NLGN4X: variants seen among roughly 807,000 people sequenced by gnomAD.
NLGN4X encodes neuroligin 4 X-linked, also known as neuroligin-4, X-linked.
Under a neutral mutation model 40.3 loss-of-function variants are expected in NLGN4X, and 3 were observed. The observed-to-expected ratio is 0.07, with a 90% CI of 0.03 to 0.19. NLGN4X has a LOEUF of 0.19. Ranked by LOEUF, NLGN4X falls within the 10% of genes least tolerant of loss-of-function variation. NLGN4X has a pLI of 1.00. For missense variants in NLGN4X, 382 were observed against 708.3 expected, an observed-to-expected ratio of 0.54 and a Z score of 5.23; for synonymous variants, 270 against 306.8, an observed-to-expected ratio of 0.88 and a Z score of 1.25.
intron 2 of NLGN4X, among the ~76,000 whole-genome samples, chrX:6,093,305 C>T (rs1291966682): frequency 1.8e-5 from 2 of 111,878 alleles, no homozygotes; most frequent in South Asian, 7.4e-4. Context: ...GAGTTTATAA[C>T]AAATATTCAT....
chrX:6,051,490 GAGA>G (rs1398495672), intron 2 of NLGN4X, among the ~76,000 whole-genome samples: 28 of 111,072 alleles, frequency 2.5e-4, no homozygotes, highest in Non-Finnish European at 5.1e-4. Context: ...AACATATGGA[GAGA>G]AGAAGGCCTT....
chrX:5,893,159 C>T lies in NLGN4X; in HGVS notation c.2109G>A (p.Arg703=), dbSNP rs1312865959. ...FAALYYKKDK[R]RHETHRRPSP... ...TGGGGCGCCTGTGAGTCTCATGGCG[C>T]CTCTTGTCCTTTTTGTAGTACAGCG... The change falls in exon 6 of 6, where the codon AGG becomes AGA. Residue 703 remains arginine, a synonymous_variant. Coordinates refer to ENST00000381095, the MANE Select transcript of NLGN4X (RefSeq NM_181332.3). The T allele has an allele frequency of 5.8e-6, 7 of 1,211,512 alleles. No homozygotes were observed. The highest frequency in any genetic ancestry group is 2.3e-4 in the Middle Eastern group (1 of 4,348).
intron 2 of NLGN4X, among the ~76,000 whole-genome samples, chrX:6,054,131 G>T (rs2037560103): frequency 8.9e-6 from 1 of 111,918 alleles, no homozygotes; most frequent in African/African-American, 3.3e-5. Context: ...TTTAATACGT[G>T]CAACTTTTTT....
chrX:6,044,592 T>C (rs928935255), intron 2 of NLGN4X, among the ~76,000 whole-genome samples: 1 of 111,218 alleles, frequency 9.0e-6, no homozygotes, highest in African/African-American at 3.3e-5. Flanking sequence ...ATTTATGTTA[T>C]TACGGATTTG....
Position 6,198,618 on chromosome X carries a change from C to G in NLGN4X, c.-306+29923G>C, listed in dbSNP as rs145518020. The stretch of plus-strand genomic sequence containing the variant: ...CTTACAAATTGCATGAGCTCCTATA[C>G]TGGTGATACAAGAATAGACAGTGTC... On this transcript the variant is annotated intron_variant, in intron 1 of 5. Transcript: ENST00000381095. Among the ~76,000 whole-genome samples, 667 of 111,866 alleles carry G rather than the reference C, an allele frequency of 6.0e-3. 5 individuals carry two copies. Among genetic ancestry groups the G allele is most frequent in the African/African-American group, 0.021 (637 of 30,730 alleles).
At chrX:5,997,131 G>A (rs777963116) in intron 3 of NLGN4X, among the ~76,000 whole-genome samples, 2 of 108,913 alleles carry the variant, frequency 1.8e-5, no homozygotes, top group South Asian at 3.9e-4. Context: ...CTTTTTTGGG[G>A]GTGGGGTTGG....
In NLGN4X at chrX:5,891,313, T is replaced by C; in HGVS notation, c.*1504A>G. 1 of 234,387 alleles carries C rather than the reference T, an allele frequency of 4.3e-6. No homozygotes were observed. Among genetic ancestry groups the C allele is most frequent in the Admixed American group, 6.0e-5 (1 of 16,562 alleles). 19.3% of individuals were successfully genotyped at this position (234,387 alleles called of 1,213,427 possible). On this transcript the variant is annotated 3_prime_UTR_variant, in exon 6 of 6. Transcript: ENST00000381095. ...TAATATTCTATCCTTTCTTCCCCCA[T>C]TCTTCTATAATATTCACCGTTTGGT...
intron 3 of NLGN4X, among the ~76,000 whole-genome samples, chrX:5,981,590 T>C (rs1388935091): frequency 9.1e-6 from 1 of 109,527 alleles, no homozygotes; most frequent in Non-Finnish European, 1.9e-5. Context: ...AAATAATAAA[T>C]ATAAAAGCCT....
rs1174411724 is a variant in NLGN4X, at chrX:5,916,922, T to C, written c.626-7683A>G. On this transcript the variant is annotated intron_variant, in intron 3 of 5. Coordinates refer to ENST00000381095, the MANE Select transcript of NLGN4X (RefSeq NM_181332.3). Reference sequence around the variant, plus strand: ...CAACAATCACACCCACACAATAAAGTGAATGTGTTGGAGAAACAAATTCAT... The same window carrying C: ...CAACAATCACACCCACACAATAAAGCGAATGTGTTGGAGAAACAAATTCAT... Among the ~76,000 whole-genome samples, 3 of 112,102 alleles carry C rather than the reference T, an allele frequency of 2.7e-5. No homozygotes were observed. In the Admixed American group the frequency reaches 2.8e-4, roughly 11 times the overall value.
chrX:6,042,302 A>C (rs916481279), intron 2 of NLGN4X, among the ~76,000 whole-genome samples: 3 of 111,266 alleles, frequency 2.7e-5, no homozygotes, highest in Non-Finnish European at 5.7e-5. Context: ...TAAAGATTTT[A>C]TGGGTCTCTG....
At chrX:6,170,512 C>T (rs1049870514) in intron 1 of NLGN4X, among the ~76,000 whole-genome samples, 1 of 111,804 alleles carries the variant, frequency 8.9e-6, no homozygotes, top group Admixed American at 9.5e-5. Flanking sequence ...ACATACCATT[C>T]AATCTTGGCC....
intron 3 of NLGN4X, among the ~76,000 whole-genome samples, chrX:5,994,306 T>C (rs928672193): frequency 1.8e-5 from 2 of 111,843 alleles, no homozygotes; most frequent in African/African-American, 3.3e-5. Flanking sequence ...ATTTGTGCTT[T>C]ATTGAATCCA....
At chrX:5,926,365 A>G (rs2033317952) in intron 3 of NLGN4X, among the ~76,000 whole-genome samples, 1 of 110,728 alleles carries the variant, frequency 9.0e-6, no homozygotes, top group African/African-American at 3.3e-5. Flanking sequence ...TACTTACTTA[A>G]TTTGGAGTTT....
intron 1 of NLGN4X, among the ~76,000 whole-genome samples, chrX:6,219,168 T>C (rs1020538528): frequency 1.0e-5 from 1 of 99,790 alleles, no homozygotes; most frequent in African/African-American, 3.7e-5. Flanking sequence ...TGTGTATATA[T>C]ATATATACAC....
chrX:6,123,312 C>A (rs1479851910), intron 2 of NLGN4X, among the ~76,000 whole-genome samples: 1 of 111,607 alleles, frequency 9.0e-6, no homozygotes, highest in East Asian at 2.8e-4. Context: ...GCAGTGGCTT[C>A]TCACCCCCAG....
chrX:5,980,520 C>T (rs1165526900), intron 3 of NLGN4X, among the ~76,000 whole-genome samples: 2 of 100,959 alleles, frequency 2.0e-5, no homozygotes, highest in Non-Finnish European at 4.0e-5. Flanking sequence ...TTAAGCTTTA[C>T]ATCTAGGTAT....
At chrX:6,111,613 G>C (rs1245477793) in intron 2 of NLGN4X, among the ~76,000 whole-genome samples, 1 of 111,202 alleles carries the variant, frequency 9.0e-6, no homozygotes, top group African/African-American at 3.3e-5. Flanking sequence ...AGGGATGGTG[G>C]CACACACGTA....
chrX:6,014,127 A>G (rs762731774), intron 3 of NLGN4X, among the ~76,000 whole-genome samples: 2 of 108,474 alleles, frequency 1.8e-5, no homozygotes, highest in Middle Eastern at 4.7e-3. Flanking sequence ...GGTTGCAGTG[A>G]GCTGAGATCG....
At chrX:5,896,111 T>C (rs1049752275) in intron 5 of NLGN4X, among the ~76,000 whole-genome samples, 1 of 112,087 alleles carries the variant, frequency 8.9e-6, no homozygotes, top group African/African-American at 3.2e-5. Context: ...GATGTGTGGC[T>C]ACCTCATCTA....
Sources: gnomAD v4.1 joint callset for allele counts (sites outside exome capture counted in the v4.1 genomes callset) on GRCh38, gnomAD v4.1.1 for gene constraint, MANE v1.5 for transcripts, NCBI Gene and HGNC (gene_info 2026-07-23, HGNC 2026-07-21) for gene names.